EXOSC7: variants seen among roughly 807,000 people sequenced by gnomAD.
The protein encoded by EXOSC7 is exosome component 7, also known as exosome complex component RRP42.
Under a neutral mutation model 34.3 loss-of-function variants are expected in EXOSC7, and 25 were observed. That is an observed-to-expected ratio of 0.73 (90% CI 0.53 to 1.02). EXOSC7 has a LOEUF of 1.02. Ranked by LOEUF, EXOSC7 falls within the 50% of genes least tolerant of loss-of-function variation. The pLI, the probability that EXOSC7 is intolerant of heterozygous loss-of-function variation, is 0.00. For synonymous variants in EXOSC7, 130 were observed against 143.0 expected, an observed-to-expected ratio of 0.91 and a Z score of 0.65; for missense variants, 370 against 368.5, an observed-to-expected ratio of 1.00 and a Z score of -0.03.
At chr3:45,009,918 C>T (rs757156229) in intron 7 of EXOSC7, among the ~76,000 whole-genome samples, 11 of 152,112 alleles carry the variant, frequency 7.2e-5, no homozygotes, top group Non-Finnish European at 1.5e-4. Flanking sequence ...CCTTTTAGAT[C>T]GAAATCATCT....
chr3:44,979,917 C>T (rs190211431), intron 1 of EXOSC7, among the ~76,000 whole-genome samples: 1 of 152,094 alleles, frequency 6.6e-6, no homozygotes, highest in East Asian at 1.9e-4. Context: ...GTTCAGGAGA[C>T]TTTTATGATG....
chr3:44,998,543 G>T (rs1706790585), intron 4 of EXOSC7, among the ~76,000 whole-genome samples: 1 of 152,192 alleles, frequency 6.6e-6, no homozygotes, highest in African/African-American at 2.4e-5. Context: ...GCAGATAAAG[G>T]AGATCTGTGA....
chr3:44,999,059 A>G (rs1221904966), intron 4 of EXOSC7, among the ~76,000 whole-genome samples: 1 of 152,238 alleles, frequency 6.6e-6, no homozygotes, highest in Non-Finnish European at 1.5e-5. Flanking sequence ...CATCCTCAGT[A>G]TTCATGCACA....
intron 6 of EXOSC7, among the ~76,000 whole-genome samples, chr3:45,006,393 GTTGTTTAT>G: frequency 1.5e-5 from 2 of 134,678 alleles, no homozygotes; most frequent in Non-Finnish European, 3.2e-5. Flanking sequence ...GTTCTTTCTT[GTTGTTTAT>G]TTGTTTTTTT....
intron 3 of EXOSC7, among the ~76,000 whole-genome samples, chr3:44,995,971 T>C (rs1184410048): frequency 6.6e-6 from 1 of 152,208 alleles, no homozygotes; most frequent in Non-Finnish European, 1.5e-5. Flanking sequence ...AGGTCGCCTT[T>C]AAACCTGAAT....
chr3:45,005,857 C>T (rs1016830110), intron 6 of EXOSC7, among the ~76,000 whole-genome samples: 1 of 152,112 alleles, frequency 6.6e-6, no homozygotes. Flanking sequence ...TGGAGCTGAA[C>T]ATCAGGCTGA....
intron 3 of EXOSC7, among the ~76,000 whole-genome samples, chr3:44,991,032 C>T (rs1706557023): frequency 6.6e-6 from 1 of 152,200 alleles, no homozygotes; most frequent in Non-Finnish European, 1.5e-5. Context: ...AGAGAAATGA[C>T]AAATGAGTTC....
At position 44,989,181 on chromosome 3, in the gene EXOSC7, A is replaced by T. The variant is rs762655114; in HGVS notation, c.99A>T (p.Arg33=). The stretch of plus-strand genomic sequence containing the variant: ...ATGGCCGTGGCTGTGAGGACTACCG[A>T]TGTGTCGAAGTGGAAACTGATGTGG... The part of the protein sequence containing the change: ...RVDGRGCEDY[R]CVEVETDVVS... The change falls in exon 2 of 8, where the codon CGA becomes CGT. Residue 33 remains arginine, a synonymous_variant. Coordinates refer to ENST00000265564, the MANE Select transcript of EXOSC7 (RefSeq NM_015004.4). The T allele has an allele frequency of 6.2e-7, 1 of 1,614,178 alleles. No homozygotes were observed. Among genetic ancestry groups the T allele is most frequent in the African/African-American group, 1.3e-5 (1 of 75,046 alleles).
chr3:44,991,077 C>G (rs1170948557), intron 3 of EXOSC7, among the ~76,000 whole-genome samples: 1 of 152,212 alleles, frequency 6.6e-6, no homozygotes, highest in Non-Finnish European at 1.5e-5. Context: ...GGTTACAAAG[C>G]TAAAAATGCC....
At chr3:44,980,664 C>T (rs1706247446) in intron 1 of EXOSC7, among the ~76,000 whole-genome samples, 1 of 152,186 alleles carries the variant, frequency 6.6e-6, no homozygotes, top group Non-Finnish European at 1.5e-5. Flanking sequence ...TCCTCTACCT[C>T]CTTTTCTTTC....
intron 5 of EXOSC7, among the ~76,000 whole-genome samples, chr3:45,002,973 C>T (rs1318643587): frequency 6.6e-6 from 1 of 152,180 alleles, no homozygotes; most frequent in African/African-American, 2.4e-5. Context: ...AATGACTCCC[C>T]ATCTGCCAGC....
chr3:44,986,042 C>T (rs946797089), intron 1 of EXOSC7, among the ~76,000 whole-genome samples: 47 of 152,306 alleles, frequency 3.1e-4, no homozygotes, highest in African/African-American at 1.0e-3. Context: ...CTCAGGAGCC[C>T]GGCTGGCTTC....
At chr3:45,010,046 G>C (rs999199887) in intron 7 of EXOSC7, among the ~76,000 whole-genome samples, 2 of 152,168 alleles carry the variant, frequency 1.3e-5, no homozygotes, top group Non-Finnish European at 2.9e-5. Flanking sequence ...AAGAGATTGA[G>C]GCAGGGATTT....
At chr3:44,997,332 T>C in intron 4 of EXOSC7, 80 bp downstream of exon 4, 1 of 1,376,790 alleles carries the variant, frequency 7.3e-7, no homozygotes, top group African/African-American at 1.4e-5. Flanking sequence ...CCAGTGCTTT[T>C]TTCCTCTTCA....
chr3:44,976,973 GGAGACT>G (rs1706070950), intron 1 of EXOSC7: 1 of 152,234 alleles, frequency 6.6e-6, no homozygotes, highest in Non-Finnish European at 1.5e-5. Flanking sequence ...CAGCTACTCG[GGAGACT>G]GAGGCAGGAG....
intron 7 of EXOSC7, among the ~76,000 whole-genome samples, chr3:45,009,414 G>A (rs957231366): frequency 6.6e-5 from 10 of 152,134 alleles, no homozygotes; most frequent in African/African-American, 1.7e-4. Flanking sequence ...GCCCTCTCAA[G>A]TCCTGGCATC....
chr3:44,985,442 G>C (rs779467771), intron 1 of EXOSC7, among the ~76,000 whole-genome samples: 5 of 151,952 alleles, frequency 3.3e-5, no homozygotes, highest in African/African-American at 4.8e-5. Context: ...CTGATGTTCA[G>C]ATGTGCTCGG....
At chr3:44,976,713 G>A (rs1307573175) in intron 1 of EXOSC7, among the ~76,000 whole-genome samples, 1 of 152,184 alleles carries the variant, frequency 6.6e-6, no homozygotes, top group Non-Finnish European at 1.5e-5. Flanking sequence ...CTTCTGGCCT[G>A]CTTTTCCTCA....
chr3:44,996,597 G>T (rs934727814), intron 3 of EXOSC7, among the ~76,000 whole-genome samples: 1 of 152,114 alleles, frequency 6.6e-6, no homozygotes, highest in African/African-American at 2.4e-5. Context: ...AAAGGTTATT[G>T]TACTTACATT....
Sources: allele counts gnomAD v4.1 joint callset (sites outside exome capture counted in the v4.1 genomes callset), GRCh38; gene constraint gnomAD v4.1.1; transcripts MANE v1.5; gene names NCBI Gene and HGNC (gene_info 2026-07-23, HGNC 2026-07-21).